Variants in RRAGD observed in about 807,000 individuals in gnomAD.
RRAGD encodes ras-related GTP-binding protein D.
RRAGD carries 12 observed loss-of-function variants against 35.5 expected under a neutral mutation model. The observed-to-expected ratio is 0.34, with a 90% CI of 0.22 to 0.55. RRAGD has a LOEUF of 0.55. Ranked by LOEUF, RRAGD falls within the 20% of genes least tolerant of loss-of-function variation. RRAGD has a pLI of 0.91. For synonymous variants in RRAGD, 155 were observed against 178.9 expected (o/e 0.87, Z 1.07); for missense variants, 324 against 490.1 (o/e 0.66, Z 3.20).
intron 1 of RRAGD, among the ~76,000 whole-genome samples, chr6:89,406,796 C>T (rs983191166): frequency 1.3e-5 from 2 of 152,166 alleles, no homozygotes; most frequent in Non-Finnish European, 2.9e-5. Flanking sequence ...TAAAAGAGCA[C>T]CCTGTAACAC....
In RRAGD at chr6:89,393,285, C is replaced by T. The variant is rs77376381; in HGVS notation, c.149-5695G>A. 3.3e-5 allele frequency among the ~76,000 whole-genome samples: 5 copies of T among 152,306 alleles called. No homozygotes were observed. In the East Asian group the frequency reaches 9.6e-4, roughly 29 times the overall value. ...GAGATTGAAGAGGGAATCTGCAGTC[C>T]TTGACTATGAATGGCAGAGTTCTGC... On this transcript the variant is annotated intron_variant, in intron 1 of 6. Transcript: ENST00000369415.
At chr6:89,378,789 G>A (rs60429107) in intron 4 of RRAGD, among the ~76,000 whole-genome samples, 152 of 152,314 alleles carry the variant, frequency 1.0e-3, no homozygotes, top group African/African-American at 3.4e-3. Context: ...ACAAGTTCTC[G>A]CTCTGATGCC....
Position 89,367,968 on chromosome 6 carries a change from A to G in RRAGD, c.*88T>C. ...CAACAAATCAATGGTATGTGTCCCA[A>G]TCTCCTTCTTCCTCTTCCTTTAGTG... On this transcript the variant is annotated 3_prime_UTR_variant, in exon 7 of 7. Coordinates refer to ENST00000369415, the MANE Select transcript of RRAGD (RefSeq NM_021244.5). The G allele has an allele frequency of 2.6e-5, 31 of 1,172,510 alleles. No individual in the cohort carries two copies. The highest frequency in any genetic ancestry group is 3.2e-5 in the Non-Finnish European group (27 of 854,166). 72.6% of individuals were successfully genotyped at this position (1,172,510 alleles called of 1,614,324 possible).
At chr6:89,379,077 A>G (rs1768998355) in intron 4 of RRAGD, 147 bp downstream of exon 4, 1 of 514,268 alleles carries the variant, frequency 1.9e-6, no homozygotes, top group African/African-American at 2.0e-5. Flanking sequence ...TAAAGGATCT[A>G]AAAGAACACG....
chr6:89,401,301 A>G (rs373544249), intron 1 of RRAGD, among the ~76,000 whole-genome samples: 2 of 151,684 alleles, frequency 1.3e-5, no homozygotes, highest in East Asian at 3.9e-4. Context: ...TCTATTGCCC[A>G]GGCTAGAGTG....
At position 89,372,565 on chromosome 6, in the gene RRAGD, C is replaced by T. The variant is rs1424322538; in HGVS notation, c.923G>A (p.Gly308Glu). The T allele has an allele frequency of 1.3e-6, 2 of 1,546,500 alleles. No individual in the cohort carries two copies. The highest frequency in any genetic ancestry group is 2.4e-5 in the East Asian group (1 of 42,282). The change falls in exon 6 of 7, where the codon GGA becomes GAA. Residue 308 changes from glycine (G) to glutamate (E), a missense_variant. Physicochemically the swap from Gly to Glu is moderately conservative, Grantham distance 98. Transcript: ENST00000369415. The part of the protein sequence containing the change: ...CIYGLKEDGA[G>E]TPYDKESTAI... ...TGTGGATTCCTTGTCATAGGGGGTT[C>T]CTGCTCCATCTTCTTTGAGACTAAA...
rs1305419191 is a variant in RRAGD at position 89,366,983 on chromosome 6, A to G, written c.*1073T>C. ...GTGAGAAGGAGATGTGGAGGTGACA[A>G]AAGTGACTAACAGGATTGAGCTCCA... On this transcript the variant is annotated 3_prime_UTR_variant, in exon 7 of 7. Coordinates refer to ENST00000369415, the MANE Select transcript of RRAGD (RefSeq NM_021244.5). 1 of 152,226 alleles carries G rather than the reference A, an allele frequency of 6.6e-6. No homozygotes were observed. Among genetic ancestry groups the G allele is most frequent in the African/African-American group, 2.4e-5 (1 of 41,438 alleles). 9.4% of individuals were successfully genotyped at this position (152,226 alleles called of 1,614,324 possible). A position where few individuals can be genotyped will look rare whatever the true frequency, so the allele number is the denominator to read the frequency against.
rs549436914 is a variant in RRAGD at position 89,409,396 on chromosome 6, T to C, written c.148+2450A>G. Among the ~76,000 whole-genome samples, 8 of 152,274 alleles carry C rather than the reference T, an allele frequency of 5.3e-5. No individual in the cohort carries two copies. The South Asian group carries it at 1.7e-3, about 32-fold the overall frequency. ...TAAGTGCAGGCACTAAACCAAGCTA[T>C]TAGGAAGGGGAAAGGGGAGTGGGGG... On this transcript the variant is annotated intron_variant, in intron 1 of 6. Transcript: ENST00000369415.
intron 1 of RRAGD, among the ~76,000 whole-genome samples, chr6:89,407,363 C>T (rs377122694): frequency 1.2e-4 from 19 of 152,120 alleles, no homozygotes; most frequent in Admixed American, 6.5e-5. Flanking sequence ...AGAGGCCGGG[C>T]GCGGTGGCTC....
chr6:89,406,290 C>A (rs1446411243), intron 1 of RRAGD, among the ~76,000 whole-genome samples: 1 of 152,120 alleles, frequency 6.6e-6, no homozygotes, highest in Non-Finnish European at 1.5e-5. Flanking sequence ...CTGGCTAGGG[C>A]TGCACCCCCA....
rs182742711 is a variant in RRAGD, at chr6:89,398,298, C to T, written c.149-10708G>A. Among the ~76,000 whole-genome samples the T allele has an allele frequency of 3.6e-3, 553 of 152,204 alleles. 4 individuals are homozygous for T. Among genetic ancestry groups the T allele is most frequent in the African/African-American group, 0.013 (524 of 41,512 alleles). On this transcript the variant is annotated intron_variant, in intron 1 of 6. Coordinates refer to ENST00000369415, the MANE Select transcript of RRAGD (RefSeq NM_021244.5). The stretch of plus-strand genomic sequence containing the variant: ...TCACAGGTGCATATATATGTGAAAA[C>T]GTATCAAATATGTGTTATGTCAATT...
intron 5 of RRAGD, among the ~76,000 whole-genome samples, chr6:89,376,533 A>G (rs183786139): frequency 4.6e-5 from 7 of 152,282 alleles, no homozygotes; most frequent in Non-Finnish European, 8.8e-5. Flanking sequence ...TGTCAGATAC[A>G]ATACAGATAG....
chr6:89,379,075 C>T, intron 4 of RRAGD, 149 bp downstream of exon 4: 1 of 510,766 alleles, frequency 2.0e-6, no homozygotes, highest in African/African-American at 2.0e-5. Flanking sequence ...TTTAAAGGAT[C>T]TAAAAGAACA....
At chr6:89,393,191 T>C (rs149876734) in intron 1 of RRAGD, among the ~76,000 whole-genome samples, 247 of 152,310 alleles carry the variant, frequency 1.6e-3, no homozygotes, top group African/African-American at 5.6e-3. Flanking sequence ...GAAACATGGA[T>C]AGTTAAGTTT....
At chr6:89,383,048 C>G (rs1395827522) in intron 2 of RRAGD, among the ~76,000 whole-genome samples, 1 of 152,128 alleles carries the variant, frequency 6.6e-6, no homozygotes, top group Non-Finnish European at 1.5e-5. Context: ...CTGAGTGTTT[C>G]AGGGGATCAC....
rs112630635 is a variant in RRAGD at position 89,379,903 on chromosome 6, T to C, written c.644+265A>G. Among the ~76,000 whole-genome samples the C allele has an allele frequency of 0.012, 1,868 of 152,342 alleles. 30 individuals are homozygous for C. The highest frequency in any genetic ancestry group is 0.043 in the African/African-American group (1,771 of 41,574). ...CAACTAACTACTAAAATTATATTCA[T>C]AGGTTTTCTATAATGTGTTTCTCAT... On this transcript the variant is annotated intron_variant, in intron 3 of 6. Coordinates refer to ENST00000369415, the MANE Select transcript of RRAGD (RefSeq NM_021244.5).
rs189306658 is a variant in RRAGD at position 89,376,722 on chromosome 6, C to T, written c.902+949G>A. On this transcript the variant is annotated intron_variant, in intron 5 of 6. Coordinates refer to ENST00000369415, the MANE Select transcript of RRAGD (RefSeq NM_021244.5). ...TATAGGAAGCTCTGTTTTCTAAGAA[C>T]GGTATGTTAACAGATTTTTTTCAGC... Among the ~76,000 whole-genome samples the T allele has an allele frequency of 5.6e-4, 85 of 151,568 alleles. 1 individual carries two copies. Among genetic ancestry groups the T allele is most frequent in the Admixed American group, 2.4e-3 (36 of 15,190 alleles).
chr6:89,378,389 T>C (rs560198988), intron 4 of RRAGD, among the ~76,000 whole-genome samples: 1 of 152,212 alleles, frequency 6.6e-6, no homozygotes, highest in African/African-American at 2.4e-5. Context: ...TAGAGATACA[T>C]ACCTGCAATT....
At chr6:89,388,857 A>G (rs1018017047) in intron 1 of RRAGD, among the ~76,000 whole-genome samples, 3 of 152,196 alleles carry the variant, frequency 2.0e-5, no homozygotes, top group African/African-American at 7.2e-5. Context: ...ATGGGAGACA[A>G]TGACAGATCA....
Sources: allele counts gnomAD v4.1 joint callset (sites outside exome capture counted in the v4.1 genomes callset), GRCh38; gene constraint gnomAD v4.1.1; transcripts MANE v1.5; gene names NCBI Gene and HGNC (gene_info 2026-07-23, HGNC 2026-07-21).